RNF128: variants seen among roughly 807,000 people sequenced by gnomAD.
The protein encoded by RNF128 is E3 ubiquitin-protein ligase RNF128.
Under a neutral mutation model 26.2 loss-of-function variants are expected in RNF128, and 13 were observed. That is an observed-to-expected ratio of 0.50 (90% CI 0.32 to 0.79). The LOEUF (loss-of-function observed/expected upper bound fraction) is 0.79, where lower values mean the gene tolerates loss of function less well. Ranked by LOEUF, RNF128 falls within the 30% of genes least tolerant of loss-of-function variation. RNF128 has a pLI of 0.03. For synonymous variants in RNF128, 149 were observed against 142.5 expected (o/e 1.05, Z -0.32); for missense variants, 315 against 349.7 (o/e 0.90, Z 0.79).
At chrX:106,724,979 A>T (rs1178541457), upstream of RNF128, among the ~76,000 whole-genome samples, 3 of 112,414 alleles carry the variant, frequency 2.7e-5, no homozygotes, top group African/African-American at 9.7e-5. Flanking sequence ...ACATTAATAA[A>T]TGTCTCTCTG....
intron 3 of RNF128, 34 bp from the exon 4 acceptor site, chrX:106,787,884 A>C: frequency 4.0e-6 from 4 of 1,003,039 alleles, no homozygotes; most frequent in Non-Finnish European, 5.6e-6. Flanking sequence ...ATTTTTTCTT[A>C]TCTGTCAGAG....
At chrX:106,761,843 A>G (rs1333810280) in intron 1 of RNF128, among the ~76,000 whole-genome samples, 1 of 109,140 alleles carries the variant, frequency 9.2e-6, no homozygotes, top group Non-Finnish European at 1.9e-5. Context: ...GTCCCCTGTC[A>G]CTTGGTTTCT....
chrX:106,755,082 A>G (rs1272513395), intron 1 of RNF128, among the ~76,000 whole-genome samples: 4 of 112,093 alleles, frequency 3.6e-5, no homozygotes, highest in African/African-American at 9.7e-5. Flanking sequence ...GGGACATACA[A>G]CCAATACCAC....
chrX:106,698,527 G>A (rs1452424279), intron 1 of RNF128, among the ~76,000 whole-genome samples: 5 of 111,382 alleles, frequency 4.5e-5, no homozygotes, highest in South Asian at 7.6e-4. Flanking sequence ...AAAAAACTTC[G>A]GTAAAACTAA....
intron 1 of RNF128, among the ~76,000 whole-genome samples, chrX:106,748,857 T>A (rs946677446): frequency 9.0e-6 from 1 of 111,554 alleles, no homozygotes; most frequent in Non-Finnish European, 1.9e-5. Flanking sequence ...CAGTAGTGAA[T>A]AACTTACAGC....
At chrX:106,768,928 T>C (rs1027885796) in intron 1 of RNF128, among the ~76,000 whole-genome samples, 4 of 112,302 alleles carry the variant, frequency 3.6e-5, no homozygotes, top group African/African-American at 9.7e-5. Flanking sequence ...TTTGTTCTCA[T>C]TGGTTTCAAA....
Position 106,791,155 on chromosome X carries a change from C to G in RNF128, c.1074C>G (p.Arg358=). The G allele has an allele frequency of 8.3e-7, 1 of 1,209,316 alleles. No homozygotes were observed. Among genetic ancestry groups the G allele is most frequent in the Non-Finnish European group, 1.1e-6 (1 of 893,884 alleles). Residue 358 remains arginine (R), a synonymous_variant, in exon 6 of 7, where the codon CGC becomes CGG. Coordinates refer to ENST00000255499, the MANE Select transcript of RNF128 (RefSeq NM_194463.2). ...CCTCCTCCCATGAAGAGGATAATCG[C>G]AGCGAGACCGCATCATCTGGATATG... ...NSASSHEEDN[R]SETASSGYAS...
intron 2 of RNF128, among the ~76,000 whole-genome samples, chrX:106,784,569 G>A (rs999359642): frequency 6.3e-5 from 7 of 111,603 alleles, no homozygotes; most frequent in African/African-American, 2.3e-4. Context: ...TCATTTTATA[G>A]ATAAGTAAAC....
chrX:106,775,838 T>G (rs1322556837), intron 2 of RNF128, among the ~76,000 whole-genome samples: 3 of 111,588 alleles, frequency 2.7e-5, no homozygotes, highest in Non-Finnish European at 5.7e-5. Flanking sequence ...TTAGGCAAAT[T>G]TAATATATTC....
At chrX:106,778,039 C>T (rs904431390) in intron 2 of RNF128, among the ~76,000 whole-genome samples, 5 of 111,580 alleles carry the variant, frequency 4.5e-5, no homozygotes, top group African/African-American at 1.6e-4. Context: ...CTTTATTGTA[C>T]AAACACAGTA....
chrX:106,782,239 A>T (rs1930579045), intron 2 of RNF128, among the ~76,000 whole-genome samples: 1 of 112,578 alleles, frequency 8.9e-6, no homozygotes, highest in African/African-American at 3.2e-5. Context: ...AAGCACAAAG[A>T]GCAAAACGAT....
intron 4 of RNF128, among the ~76,000 whole-genome samples, chrX:106,789,547 A>ATATAGTGTATATAT (rs1491098728): frequency 1.1e-4 from 11 of 100,949 alleles, no homozygotes; most frequent in Non-Finnish European, 1.8e-4. Flanking sequence ...ATTATATATA[A>ATATAGTGTATATAT]TATATACTAT....
rs1930124854 is a variant in RNF128, at chrX:106,761,821, G to A, written c.485-11092G>A. Among the ~76,000 whole-genome samples the A allele has an allele frequency of 2.7e-5, 3 of 109,379 alleles. No homozygotes were observed. In the Admixed American group the frequency reaches 3.0e-4, roughly 11 times the overall value. 95.0% of individuals were successfully genotyped at this position (109,379 alleles called of 115,157 possible). A position where few individuals can be genotyped will look rare whatever the true frequency, so the allele number is the denominator to read the frequency against. ...CCAAGCTCCAAGTGAGAGAATAAATGTTTCCTCTTTGGTCCCCTGTCACTT... is the reference window on the plus strand; with the variant it reads ...CCAAGCTCCAAGTGAGAGAATAAATATTTCCTCTTTGGTCCCCTGTCACTT... On this transcript the variant is annotated intron_variant, in intron 1 of 6. Transcript: ENST00000255499.
exon 1 of RNF128, chrX:106,694,020 G>C: frequency 8.3e-7 from 1 of 1,200,248 alleles, no homozygotes; most frequent in Non-Finnish European, 1.1e-6. Context: ...AGGAGAATAG[G>C]TCCAGTTTTT....
chrX:106,747,283 T>C (rs1048478105), intron 1 of RNF128, among the ~76,000 whole-genome samples: 1 of 111,802 alleles, frequency 8.9e-6, no homozygotes, highest in East Asian at 2.8e-4. Context: ...TTTAGAAAGA[T>C]TGAAATCTTG....
chrX:106,758,900 A>G (rs1167015222), intron 1 of RNF128, among the ~76,000 whole-genome samples: 2 of 111,697 alleles, frequency 1.8e-5, no homozygotes, highest in Non-Finnish European at 3.8e-5. Context: ...ATACCCCACC[A>G]CAAGTACAGG....
chrX:106,727,093 T>C lies in RNF128; in HGVS notation c.180T>C (p.Arg60=), dbSNP rs754654235. The change falls in exon 1 of 7, where the codon CGT becomes CGC. Residue 60 remains arginine (R), a synonymous_variant. Transcript: ENST00000255499. ...GGGTTCCGCACACGGGAGTGAACCGTACGGTGTGGGAGCTGAGCGAGGAGG... is the reference window on the plus strand; with the variant it reads ...GGGTTCCGCACACGGGAGTGAACCGCACGGTGTGGGAGCTGAGCGAGGAGG... ...SWRVPHTGVN[R]TVWELSEEGV... The C allele has an allele frequency of 2.3e-5, 28 of 1,204,674 alleles. No homozygotes were observed. Among genetic ancestry groups the C allele is most frequent in the Non-Finnish European group, 2.9e-5 (26 of 892,739 alleles).
intron 1 of RNF128, among the ~76,000 whole-genome samples, chrX:106,741,273 A>G (rs187962181): frequency 1.2e-3 from 139 of 111,800 alleles, no homozygotes; most frequent in African/African-American, 4.1e-3. Context: ...GGATGCTTCA[A>G]TGCTTCTCTT....
At chrX:106,786,906 C>T (rs964243935) in intron 3 of RNF128, among the ~76,000 whole-genome samples, 21 of 111,687 alleles carry the variant, frequency 1.9e-4, no homozygotes, top group African/African-American at 6.8e-4. Flanking sequence ...TGAAATACAA[C>T]TACGCATTCA....
Sources: allele counts gnomAD v4.1 joint callset (sites outside exome capture counted in the v4.1 genomes callset), GRCh38; gene constraint gnomAD v4.1.1; transcripts MANE v1.5; gene names NCBI Gene and HGNC (gene_info 2026-07-23, HGNC 2026-07-21).